The following DEPDC1 variants were observed in gnomAD, a reference collection of about 807,000 sequenced individuals.
DEPDC1 encodes DEP domain containing 1.
DEPDC1 carries 66 observed loss-of-function variants against 86.8 expected under a neutral mutation model. The ratio of observed to expected loss-of-function variants is 0.76; its 90% CI spans 0.62 to 0.93. The LOEUF (loss-of-function observed/expected upper bound fraction) is 0.93, where lower values mean the gene tolerates loss of function less well. DEPDC1 is among the 40% of genes least tolerant of loss of function. The pLI, the probability that DEPDC1 is intolerant of heterozygous loss-of-function variation, is 0.00. For missense variants in DEPDC1, 792 were observed against 935.7 expected (o/e 0.85, Z 2.00); for synonymous variants, 255 against 314.9 (o/e 0.81, Z 2.02).
At chr1:68,489,332 G>T in intron 3 of DEPDC1, 120 bp downstream of exon 3, 2 of 651,040 alleles carry the variant, frequency 3.1e-6, no homozygotes, top group Non-Finnish European at 4.9e-6. Flanking sequence ...AGAATGTAAT[G>T]TAGGTTAGGA....
intron 2 of DEPDC1, 22 bp from the exon 3 acceptor site, chr1:68,489,630 A>G (rs973532716): frequency 6.6e-7 from 1 of 1,509,064 alleles, no homozygotes; most frequent in South Asian, 1.4e-5. Flanking sequence ...ACAATAAGCA[A>G]TTAAATAATG....
chr1:68,496,914 A>C lies in DEPDC1; in HGVS notation c.48+38T>G, dbSNP rs1355673979. ...ACTGCGAACAGTGGTGACTGCCGTC[A>C]GCCCGCTGACCGGTCCCGTCTATCC... On this transcript the variant is annotated intron_variant, in intron 1 of 11. Transcript: ENST00000456315. The surrounding 1 kb of genome is among the most constrained non-coding windows in gnomAD (Gnocchi z 4.0). 1.3e-6 allele frequency: 2 copies of C among 1,589,746 alleles called. No homozygotes were observed. The highest frequency in any genetic ancestry group is 2.3e-5 in the East Asian group (1 of 44,274).
At position 68,497,040 on chromosome 1, in the gene DEPDC1, G is replaced by A; in HGVS notation, c.-41C>T. On this transcript the variant is annotated 5_prime_UTR_variant, in exon 1 of 12. Coordinates refer to ENST00000456315, the MANE Select transcript of DEPDC1 (RefSeq NM_001114120.3). ...CGGTGGCGTCCATGGCGGCGAAGGC[G>A]ACACTCAGGCCCAGCGGCCGCGGCA... 1.2e-6 allele frequency: 2 copies of A among 1,606,882 alleles called. No homozygotes were observed. Among genetic ancestry groups the A allele is most frequent in the South Asian group, 1.1e-5 (1 of 90,822 alleles).
intron 7 of DEPDC1, among the ~76,000 whole-genome samples, chr1:68,483,693 G>A (rs1038274654): frequency 6.6e-6 from 1 of 151,866 alleles, no homozygotes; most frequent in African/African-American, 2.4e-5. Flanking sequence ...TAAACTAATA[G>A]TCATAGTTAA....
Position 68,493,580 on chromosome 1 carries a change from TA to T in DEPDC1, c.314+849del, listed in dbSNP as rs1334246863. Among the ~76,000 whole-genome samples, 10 of 152,322 alleles carry T rather than the reference TA, an allele frequency of 6.6e-5. No individual in the cohort carries two copies. The East Asian group carries it at 1.9e-3, about 29-fold the overall frequency. On this transcript the variant is annotated intron_variant, in intron 2 of 11. Transcript: ENST00000456315. ...GCATGGTCTCAGTTTCCCCATCTGTTAAAAGGGGTTAATACCTACCCTGCTT... is the reference window on the plus strand; with the variant it reads ...GCATGGTCTCAGTTTCCCCATCTGTTAAAGGGGTTAATACCTACCCTGCTT...
In DEPDC1 at chr1:68,475,034, C is replaced by T. The variant is rs534526782; in HGVS notation, c.*1898G>A. 6.6e-5 allele frequency: 10 copies of T among 152,126 alleles called. No homozygotes were observed. Among genetic ancestry groups the T allele is most frequent in the Admixed American group, 3.3e-4 (5 of 15,262 alleles). 9.4% of individuals were successfully genotyped at this position (152,126 alleles called of 1,614,324 possible). A position where few individuals can be genotyped will look rare whatever the true frequency, so the allele number is the denominator to read the frequency against. ...TATTCTATGTGAGACACTGTGCTAA[C>T]ACTTTACATGCATTATCCTGCTTAA... On this transcript the variant is annotated 3_prime_UTR_variant, in exon 12 of 12. Transcript: ENST00000456315.
At chr1:68,481,673 A>G in intron 8 of DEPDC1, 61 bp from the exon 9 acceptor site, 1 of 1,316,346 alleles carries the variant, frequency 7.6e-7, no homozygotes. Flanking sequence ...TCATACTACC[A>G]GTATATACAG....
At chr1:68,491,206 C>T (rs1239343110) in intron 2 of DEPDC1, among the ~76,000 whole-genome samples, 1 of 152,208 alleles carries the variant, frequency 6.6e-6, no homozygotes, top group East Asian at 1.9e-4. Flanking sequence ...CATGAAGGAG[C>T]TACACAGCAA....
Position 68,482,297 on chromosome 1 carries a change from G to A in DEPDC1, c.1511C>T (p.Ser504Leu). 1 of 1,612,734 alleles carries A rather than the reference G, an allele frequency of 6.2e-7. No homozygotes were observed. The highest frequency in any genetic ancestry group is 8.5e-7 in the Non-Finnish European group (1 of 1,179,246). Residue 504 changes from serine to leucine, a missense_variant, in exon 8 of 12, where the codon TCA becomes TTA. Physicochemically the swap from Ser to Leu is moderately radical, Grantham distance 145 (BLOSUM62 -2). Transcript: ENST00000456315. ...QEELCNGKCK[S>L]KQLCRSQSLL... is the part of the protein sequence containing the mutation. ...ACTCTGAGACCTACAAAGCTGTTTT[G>A]ACTTGCATTTCCCATTACACAACTC...
chr1:68,497,078 G>A lies in DEPDC1; in HGVS notation c.-79C>T. The A allele has an allele frequency of 6.6e-7, 1 of 1,512,308 alleles. No homozygotes were observed. The highest frequency in any genetic ancestry group is 2.3e-5 in the East Asian group (1 of 43,472). The allele number at this position is 1,512,308 out of a possible 1,614,324, so 93.7% of individuals were successfully genotyped here. ...AGCGGCCGCGGCAGTGGCGAGTCTC[G>A]GCACAACCGTTGGCCCCGCCGCCGA... On this transcript the variant is annotated 5_prime_UTR_variant, in exon 1 of 12. Coordinates refer to ENST00000456315, the MANE Select transcript of DEPDC1 (RefSeq NM_001114120.3).
intron 7 of DEPDC1, chr1:68,483,104 T>A: frequency 1.7e-6 from 1 of 591,176 alleles, no homozygotes; most frequent in South Asian, 2.0e-5. Context: ...TGAGTGGTTT[T>A]CCCATTTGTA....
chr1:68,491,920 A>ATTTT (rs1227155636), intron 2 of DEPDC1, among the ~76,000 whole-genome samples: 2 of 138,938 alleles, frequency 1.4e-5, no homozygotes, highest in African/African-American at 2.7e-5. Flanking sequence ...TGGCTAATTA[A>ATTTT]TTTTTTTTTT....
At position 68,482,253 on chromosome 1, in the gene DEPDC1, T is replaced by C. The variant is rs368217281; in HGVS notation, c.1555A>G (p.Thr519Ala). 35 of 1,612,616 alleles carry C rather than the reference T, an allele frequency of 2.2e-5. No homozygotes were observed. The African/African-American group carries it at 4.4e-4, about 20-fold the overall frequency. Reference sequence around the variant, plus strand: ...GTATTGATATAACTATTCCTTCTTGTACTACTTCTTAAAAGCAAACTCTGA... The same window carrying C: ...GTATTGATATAACTATTCCTTCTTGCACTACTTCTTAAAAGCAAACTCTGA... The part of the protein sequence containing the change: ...RSQSLLLRSS[T>A]RRNSYINTPV... Residue 519 changes from threonine to alanine, a missense_variant, in exon 8 of 12, where the codon ACA (threonine) becomes GCA (alanine). Physicochemically the swap from Thr to Ala is moderately conservative, Grantham distance 58. Coordinates refer to ENST00000456315, the MANE Select transcript of DEPDC1 (RefSeq NM_001114120.3).
rs1425406413 is a variant in DEPDC1 at position 68,486,836 on chromosome 1, G to A, written c.769+101C>T. On this transcript the variant is annotated intron_variant, in intron 6 of 11. Coordinates refer to ENST00000456315, the MANE Select transcript of DEPDC1 (RefSeq NM_001114120.3). ...GAAATGATATACTTTAATTTTATCA[G>A]GACTTTATTAAATTTCCTTGGTTCT... 4.2e-6 allele frequency: 5 copies of A among 1,199,610 alleles called. No individual in the cohort carries two copies. In the African/African-American group the frequency reaches 6.4e-5, roughly 15 times the overall value. 74.3% of individuals were successfully genotyped at this position (1,199,610 alleles called of 1,614,324 possible). A position where few individuals can be genotyped will look rare whatever the true frequency, so the allele number is the denominator to read the frequency against.
rs183583438 is a variant in DEPDC1 at position 68,483,597 on chromosome 1, T to C, written c.910+353A>G. On this transcript the variant is annotated intron_variant, in intron 7 of 11. Coordinates refer to ENST00000456315, the MANE Select transcript of DEPDC1 (RefSeq NM_001114120.3). ...GGGATCACGGCATGACCAGAAAGGG[T>C]AGAGAAACTCTGTGCCACCCCCACC... 4.6e-5 allele frequency: 13 copies of C among 281,950 alleles called. No individual in the cohort carries two copies. In the East Asian group the frequency reaches 1.3e-3, roughly 29 times the overall value. 17.5% of individuals were successfully genotyped at this position (281,950 alleles called of 1,614,324 possible).
chr1:68,482,554 T>G lies in DEPDC1; in HGVS notation c.1254A>C (p.Pro418=), dbSNP rs534487014. ...NMHDLSSNSK[P]RCCSLEGIVD... ...CAATTCCTTCCAAAGAACAGCACCT[T>G]GGTTTGCTGTTAGAGGATAGATCAT... The change falls in exon 8 of 12, where the codon CCA becomes CCC. Residue 418 remains proline (P), a synonymous_variant. Transcript: ENST00000456315. 1 of 1,613,168 alleles carries G rather than the reference T, an allele frequency of 6.2e-7. No homozygotes were observed. The highest frequency in any genetic ancestry group is 2.2e-5 in the East Asian group (1 of 44,838).
In DEPDC1 at chr1:68,482,045, C is replaced by T; in HGVS notation, c.1762+1G>A. ...GCATGCATTGAAAGCAACAGCCTTA[C>T]TTTGTGTGCCAGTCAACATAGAAGA... On this transcript the variant is annotated splice_donor_variant, in intron 8 of 11. Transcript: ENST00000456315. LOFTEE classifies it high-confidence loss of function. 6.3e-7 allele frequency: 1 copy of T among 1,577,754 alleles called. No individual in the cohort carries two copies. The highest frequency in any genetic ancestry group is 8.6e-7 in the Non-Finnish European group (1 of 1,165,912).
At position 68,482,576 on chromosome 1, in the gene DEPDC1, T is replaced by C; in HGVS notation, c.1232A>G (p.Asp411Gly). The C allele has an allele frequency of 6.2e-7, 1 of 1,613,140 alleles. No homozygotes were observed. The highest frequency in any genetic ancestry group is 8.5e-7 in the Non-Finnish European group (1 of 1,179,364). The part of the protein sequence containing the change: ...HNLIGLSNMH[D>G]LSSNSKPRCC... ...CCTTGGTTTGCTGTTAGAGGATAGA[T>C]CATGCATATTACTTAACCCTATTAA... is the stretch of plus-strand genomic sequence containing the variant. Residue 411 changes from aspartate (D) to glycine (G), a missense_variant, in exon 8 of 12, where the codon GAT becomes GGT. Transcript: ENST00000456315.
Position 68,481,527 on chromosome 1 carries a change from C to G in DEPDC1, c.1848G>C (p.Lys616Asn). 6.2e-7 allele frequency: 1 copy of G among 1,612,238 alleles called. No individual in the cohort carries two copies. Among genetic ancestry groups the G allele is most frequent in the East Asian group, 2.2e-5 (1 of 44,824 alleles). Residue 616 changes from lysine to asparagine, a missense_variant, in exon 9 of 12, where the codon AAG becomes AAC. Lys to Asn is a moderately conservative substitution (Grantham distance 94, BLOSUM62 0). Coordinates refer to ENST00000456315, the MANE Select transcript of DEPDC1 (RefSeq NM_001114120.3). ...AAATCATACGCATTAAAAGTTGAAG[C>G]TTTCTACGATTTGGTGGGGGAAGTA... ...CLLLPPPNRR[K>N]LQLLMRMISR... is the part of the protein sequence containing the mutation.
Sources: allele counts gnomAD v4.1 joint callset (sites outside exome capture counted in the v4.1 genomes callset), GRCh38; gene constraint gnomAD v4.1.1; non-coding constraint Gnocchi (gnomAD v3.1); transcripts MANE v1.5; gene names NCBI Gene and HGNC (gene_info 2026-07-23, HGNC 2026-07-21).